The following LDB2 variants were observed in gnomAD, a reference collection of about 807,000 sequenced individuals.
LDB2 encodes LIM domain-binding protein 2.
LDB2 carries 12 observed loss-of-function variants against 44.3 expected under a neutral mutation model. The observed-to-expected ratio is 0.27, with a 90% CI of 0.17 to 0.44. The LOEUF (loss-of-function observed/expected upper bound fraction) is 0.44, where lower values mean the gene tolerates loss of function less well. Ranked by LOEUF, LDB2 falls within the 20% of genes least tolerant of loss-of-function variation. The probability of loss-of-function intolerance (pLI) is 1.00; values close to 1 mark genes in which losing one functional copy is unlikely to be tolerated. For missense variants in LDB2, 344 were observed against 473.5 expected (o/e 0.73, Z 2.54); for synonymous variants, 164 against 174.8 (o/e 0.94, Z 0.49).
intron 2 of LDB2, among the ~76,000 whole-genome samples, chr4:16,662,127 C>T (rs967158136): frequency 1.3e-5 from 2 of 152,178 alleles, no homozygotes; most frequent in African/African-American, 4.8e-5. Flanking sequence ...AAATACCTTT[C>T]TGTTTAAATT....
At chr4:16,561,584 G>C (rs1267701824) in intron 5 of LDB2, among the ~76,000 whole-genome samples, 1 of 152,172 alleles carries the variant, frequency 6.6e-6, no homozygotes, top group Admixed American at 6.5e-5. Flanking sequence ...CAAACAAATG[G>C]AAGAACATTC....
At chr4:16,530,592 T>G (rs1338187045) in intron 5 of LDB2, among the ~76,000 whole-genome samples, 1 of 152,204 alleles carries the variant, frequency 6.6e-6, no homozygotes, top group Non-Finnish European at 1.5e-5. Context: ...AAAATACATA[T>G]TCCTTTCTTC....
intron 2 of LDB2, among the ~76,000 whole-genome samples, chr4:16,642,999 C>T (rs1305055396): frequency 6.6e-6 from 1 of 152,056 alleles, no homozygotes; most frequent in Non-Finnish European, 1.5e-5. Flanking sequence ...GGTTAAACAC[C>T]TTAACCTCCA....
At chr4:16,780,848 A>C (rs1773055042) in intron 1 of LDB2, among the ~76,000 whole-genome samples, 2 of 152,130 alleles carry the variant, frequency 1.3e-5, no homozygotes, top group African/African-American at 4.8e-5. Context: ...AATTGATGTC[A>C]GTGAGGCAAT....
At chr4:16,741,259 C>G (rs974944874) in intron 2 of LDB2, among the ~76,000 whole-genome samples, 1 of 152,182 alleles carries the variant, frequency 6.6e-6, no homozygotes, top group African/African-American at 2.4e-5. Context: ...TCATTTCCAA[C>G]TAGTTGTGAT....
At chr4:16,699,525 C>T (rs1022592896) in intron 2 of LDB2, among the ~76,000 whole-genome samples, 22 of 152,162 alleles carry the variant, frequency 1.4e-4, no homozygotes, top group African/African-American at 5.1e-4. Context: ...TATATGATGG[C>T]CTTGTATCCA....
At chr4:16,776,056 C>T (rs1771823084) in intron 1 of LDB2, among the ~76,000 whole-genome samples, 1 of 152,192 alleles carries the variant, frequency 6.6e-6, no homozygotes, top group South Asian at 2.1e-4. Flanking sequence ...CTGCCAGCAT[C>T]CATATTTAGA....
intron 2 of LDB2, among the ~76,000 whole-genome samples, chr4:16,693,518 G>A (rs1417610308): frequency 6.6e-6 from 1 of 152,122 alleles, no homozygotes. Context: ...ACCACATCCG[G>A]CCAATTTTTG....
At chr4:16,811,275 T>A (rs1296596619) in intron 1 of LDB2, among the ~76,000 whole-genome samples, 1 of 152,226 alleles carries the variant, frequency 6.6e-6, no homozygotes, top group East Asian at 1.9e-4. Flanking sequence ...GAGTCACATG[T>A]GGTCTCATTG....
chr4:16,614,931 G>A (rs1369244795), intron 2 of LDB2, among the ~76,000 whole-genome samples: 13 of 150,076 alleles, frequency 8.7e-5, no homozygotes, highest in Admixed American at 2.6e-4. Flanking sequence ...TTAGCCGGGC[G>A]TAGTGGCGGG....
intron 5 of LDB2, among the ~76,000 whole-genome samples, chr4:16,556,473 C>G (rs1212572163): frequency 6.6e-6 from 1 of 152,158 alleles, no homozygotes; most frequent in African/African-American, 2.4e-5. Context: ...TGTGCATTAT[C>G]AAAGCTAATG....
At chr4:16,753,542 G>A (rs904452676) in intron 2 of LDB2, among the ~76,000 whole-genome samples, 1 of 152,194 alleles carries the variant, frequency 6.6e-6, no homozygotes, top group African/African-American at 2.4e-5. Context: ...GTGGATTTGT[G>A]GTTCTTCAGA....
At chr4:16,733,007 AT>A (rs1306766487) in intron 2 of LDB2, among the ~76,000 whole-genome samples, 2 of 152,174 alleles carry the variant, frequency 1.3e-5, no homozygotes, top group African/African-American at 4.8e-5. Flanking sequence ...TCAAATCACA[AT>A]TGGGAGAACT....
intron 2 of LDB2, among the ~76,000 whole-genome samples, chr4:16,685,373 TTTTTTTTGTTTTGTTTTGTTTTTTG>T (rs1241565390): frequency 4.6e-5 from 7 of 152,104 alleles, no homozygotes; most frequent in East Asian, 3.9e-4. Context: ...ATCTCTCAAG[TTTTTTTTGTTTTGTTTTGTTTTTTG>T]TTTTTTTGTT....
chr4:16,507,875 G>A (rs1429131651), intron 7 of LDB2, among the ~76,000 whole-genome samples: 2 of 152,118 alleles, frequency 1.3e-5, no homozygotes, highest in African/African-American at 4.8e-5. Flanking sequence ...TCACTATATG[G>A]GATTACCCTC....
rs575151418 is a variant in LDB2, at chr4:16,691,686, T to G, written c.235+67472A>C. Among the ~76,000 whole-genome samples, 3 of 152,338 alleles carry G rather than the reference T, an allele frequency of 2.0e-5. No individual in the cohort carries two copies. In the South Asian group the frequency reaches 6.2e-4, roughly 32 times the overall value. On this transcript the variant is annotated intron_variant, in intron 2 of 7. Transcript: ENST00000304523. ...GACTATTAGCTTTGGCAGCTTTAGT[T>G]TCAGGCCTTCTTTGGGGGAATAGAG... is the stretch of plus-strand genomic sequence containing the variant.
At chr4:16,658,201 CTG>C (rs1472106226) in intron 2 of LDB2, among the ~76,000 whole-genome samples, 2 of 152,148 alleles carry the variant, frequency 1.3e-5, no homozygotes, top group Admixed American at 1.3e-4. Flanking sequence ...TGGGCAGGGG[CTG>C]TATCTTATTA....
intron 5 of LDB2, among the ~76,000 whole-genome samples, chr4:16,570,948 G>A (rs553395281): frequency 6.6e-6 from 1 of 152,168 alleles, no homozygotes; most frequent in African/African-American, 2.4e-5. Flanking sequence ...GCACAGAAAT[G>A]GTAGGCAACT....
chr4:16,715,609 C>T lies in LDB2; in HGVS notation c.235+43549G>A, dbSNP rs767283345. ...ATCCATTTTTCCTCTGTTAATAAAA[C>T]AACATCAGAAACACAAATAAGTGAA... On this transcript the variant is annotated intron_variant, in intron 2 of 7. Transcript: ENST00000304523. 3.9e-5 allele frequency among the ~76,000 whole-genome samples: 6 copies of T among 152,246 alleles called. No homozygotes were observed. In the South Asian group the frequency reaches 6.2e-4, roughly 16 times the overall value.
Sources: gnomAD v4.1 joint callset for allele counts (sites outside exome capture counted in the v4.1 genomes callset) on GRCh38, gnomAD v4.1.1 for gene constraint, MANE v1.5 for transcripts, NCBI Gene and HGNC (gene_info 2026-07-23, HGNC 2026-07-21) for gene names.